Variants in PDE4B observed in about 807,000 individuals in gnomAD.
PDE4B encodes the protein phosphodiesterase 4B.
PDE4B carries 20 observed loss-of-function variants against 82.2 expected under a neutral mutation model. The ratio of observed to expected loss-of-function variants is 0.24; its 90% CI spans 0.17 to 0.35. PDE4B has a LOEUF of 0.35. PDE4B is among the 10% of genes least tolerant of loss of function. The pLI, the probability that PDE4B is intolerant of heterozygous loss-of-function variation, is 1.00. For synonymous variants in PDE4B, 320 were observed against 318.9 expected (o/e 1.00, Z -0.04); for missense variants, 655 against 907.2 (o/e 0.72, Z 3.57).
At chr1:66,328,515 A>C (rs542493683) in intron 7 of PDE4B, among the ~76,000 whole-genome samples, 2 of 152,344 alleles carry the variant, frequency 1.3e-5, no homozygotes, top group African/African-American at 4.8e-5. Flanking sequence ...TGCCATCTTA[A>C]AACTTGTAAT....
At chr1:66,105,593 G>T (rs1025656812) in intron 3 of PDE4B, among the ~76,000 whole-genome samples, 1 of 152,098 alleles carries the variant, frequency 6.6e-6, no homozygotes, top group African/African-American at 2.4e-5. Flanking sequence ...TGTTCCATTT[G>T]TTGGTATCCT....
intron 3 of PDE4B, among the ~76,000 whole-genome samples, chr1:66,199,131 T>A (rs1648626719): frequency 6.6e-6 from 1 of 151,858 alleles, no homozygotes; most frequent in Non-Finnish European, 1.5e-5. Context: ...TACCCAGTAA[T>A]GGGATGGCTG....
At chr1:66,288,614 A>T (rs1255421740) in intron 7 of PDE4B, among the ~76,000 whole-genome samples, 2 of 152,170 alleles carry the variant, frequency 1.3e-5, no homozygotes, top group African/African-American at 4.8e-5. Flanking sequence ...CTTACTATAA[A>T]TACACAGAAT....
intron 1 of PDE4B, among the ~76,000 whole-genome samples, chr1:65,881,231 GAT>G (rs1304440946): frequency 6.6e-6 from 1 of 152,140 alleles, no homozygotes; most frequent in East Asian, 1.9e-4. Flanking sequence ...AGGACAGTTG[GAT>G]GGCTCAGATC....
chr1:66,310,706 T>C (rs1175711316), intron 7 of PDE4B, among the ~76,000 whole-genome samples: 3 of 152,140 alleles, frequency 2.0e-5, no homozygotes, highest in Admixed American at 6.5e-5. Context: ...GCCCCCACTG[T>C]ACAGCTACGT....
intron 1 of PDE4B, among the ~76,000 whole-genome samples, chr1:65,839,805 T>A (rs1216940340): frequency 2.0e-5 from 3 of 152,166 alleles, no homozygotes; most frequent in African/African-American, 7.2e-5. Context: ...GATTTCTGGG[T>A]CAAATGGTAT....
At chr1:65,978,200 G>A (rs2100644900) in intron 3 of PDE4B, among the ~76,000 whole-genome samples, 1 of 149,748 alleles carries the variant, frequency 6.7e-6, no homozygotes, top group Middle Eastern at 3.4e-3. Context: ...GGTAATTTTT[G>A]TATTTTTAGT....
chr1:66,140,118 T>G (rs1646142418), intron 3 of PDE4B, among the ~76,000 whole-genome samples: 1 of 152,208 alleles, frequency 6.6e-6, no homozygotes, highest in Non-Finnish European at 1.5e-5. Context: ...GACCTTTTTT[T>G]TTCCTTTTGA....
intron 7 of PDE4B, among the ~76,000 whole-genome samples, chr1:66,327,262 T>C (rs1377246080): frequency 1.3e-5 from 2 of 152,176 alleles, no homozygotes; most frequent in Non-Finnish European, 2.9e-5. Flanking sequence ...TGAAAAATCA[T>C]TGAAACAGAA....
At chr1:65,849,947 C>T (rs1646311301) in intron 1 of PDE4B, among the ~76,000 whole-genome samples, 2 of 152,044 alleles carry the variant, frequency 1.3e-5, no homozygotes, top group South Asian at 4.2e-4. Flanking sequence ...TTGGTAAATG[C>T]ATAGGAGCAC....
chr1:66,054,847 AGT>A (rs1249802464), intron 3 of PDE4B, among the ~76,000 whole-genome samples: 2 of 152,026 alleles, frequency 1.3e-5, no homozygotes, highest in Non-Finnish European at 2.9e-5. Context: ...TCCTTCTCAA[AGT>A]GTTATTGTTT....
At chr1:66,145,013 T>C (rs755865382) in intron 3 of PDE4B, among the ~76,000 whole-genome samples, 14 of 152,228 alleles carry the variant, frequency 9.2e-5, no homozygotes, top group South Asian at 4.1e-4. Context: ...ATGTGTGAAA[T>C]AGAATCTCTT....
intron 1 of PDE4B, among the ~76,000 whole-genome samples, chr1:65,794,813 G>A (rs1645612953): frequency 6.6e-6 from 1 of 152,152 alleles, no homozygotes; most frequent in African/African-American, 2.4e-5. Flanking sequence ...CATTGAGGCT[G>A]TTTATCTATA....
intron 3 of PDE4B, among the ~76,000 whole-genome samples, chr1:66,047,486 T>G (rs1194930095): frequency 6.6e-6 from 1 of 151,924 alleles, no homozygotes; most frequent in Non-Finnish European, 1.5e-5. Context: ...TCTCCAGACT[T>G]TATTCCTAGC....
intron 8 of PDE4B, among the ~76,000 whole-genome samples, chr1:66,346,002 A>G (rs1419933138): frequency 2.6e-5 from 4 of 152,130 alleles, no homozygotes; most frequent in Non-Finnish European, 5.9e-5. Flanking sequence ...TTGGCTTACT[A>G]TTCTCTCAAA....
At chr1:66,345,021 TTTGAAG>T (rs903553542) in intron 8 of PDE4B, among the ~76,000 whole-genome samples, 1 of 152,242 alleles carries the variant, frequency 6.6e-6, no homozygotes, top group Non-Finnish European at 1.5e-5. Flanking sequence ...ATAAAACATA[TTTGAAG>T]CATCCCTTCC....
At chr1:66,131,639 T>TATATATATA in intron 3 of PDE4B, among the ~76,000 whole-genome samples, 1 of 27,960 alleles carries the variant, frequency 3.6e-5, no homozygotes, top group South Asian at 1.6e-3. Context: ...ATATATATAT[T>TATATATATA]ACTAACCAGG....
intron 3 of PDE4B, among the ~76,000 whole-genome samples, chr1:65,955,051 A>C (rs1481708513): frequency 3.9e-5 from 6 of 152,164 alleles, no homozygotes; most frequent in Non-Finnish European, 7.4e-5. Context: ...ACAAGAACAC[A>C]GAGACATAAG....
At chr1:66,337,677 G>T (rs537320706) in intron 8 of PDE4B, among the ~76,000 whole-genome samples, 6 of 152,336 alleles carry the variant, frequency 3.9e-5, no homozygotes, top group African/African-American at 1.4e-4. Context: ...CAAGGTAAAG[G>T]AGATAGCTCA....
Sources: allele counts gnomAD v4.1 joint callset (sites outside exome capture counted in the v4.1 genomes callset), GRCh38; gene constraint gnomAD v4.1.1; transcripts MANE v1.5; gene names NCBI Gene and HGNC (gene_info 2026-07-23, HGNC 2026-07-21).